CCBE1: variants seen among roughly 807,000 people sequenced by gnomAD.
The protein encoded by CCBE1 is collagen and calcium-binding EGF domain-containing protein 1.
A neutral mutation model predicts 50.0 loss-of-function variants in CCBE1; 37 were observed. The ratio of observed to expected loss-of-function variants is 0.74; its 90% CI spans 0.57 to 0.97. The LOEUF is 0.97. Ranked by LOEUF, CCBE1 falls within the 50% of genes least tolerant of loss-of-function variation. The pLI, the probability that CCBE1 is intolerant of heterozygous loss-of-function variation, is 0.00. For synonymous variants in CCBE1, 234 were observed against 203.7 expected, an observed-to-expected ratio of 1.15 and a Z score of -1.27; for missense variants, 538 against 523.8, an observed-to-expected ratio of 1.03 and a Z score of -0.26.
intron 2 of CCBE1, among the ~76,000 whole-genome samples, chr18:59,561,559 C>A (rs975717027): frequency 5.3e-5 from 8 of 152,198 alleles, no homozygotes; most frequent in African/African-American, 1.9e-4. Context: ...TAGCCCTATG[C>A]CACTATTGTC....
At chr18:59,533,520 T>A (rs1017029986) in intron 2 of CCBE1, among the ~76,000 whole-genome samples, 29 of 152,242 alleles carry the variant, frequency 1.9e-4, no homozygotes, top group African/African-American at 7.0e-4. Flanking sequence ...TATGTATAAC[T>A]CTTATGTTAG....
intron 10 of CCBE1, among the ~76,000 whole-genome samples, chr18:59,437,405 A>G (rs1334526259): frequency 6.6e-6 from 1 of 152,136 alleles, no homozygotes; most frequent in Non-Finnish European, 1.5e-5. Flanking sequence ...GTCAGATTCC[A>G]CTATCGCCAC....
chr18:59,535,401 G>A (rs1444011851), intron 2 of CCBE1, among the ~76,000 whole-genome samples: 2 of 152,182 alleles, frequency 1.3e-5, no homozygotes, highest in Non-Finnish European at 2.9e-5. Flanking sequence ...GCATTACCGG[G>A]TGTTAGTGAA....
At chr18:59,488,591 C>T (rs919131690) in intron 2 of CCBE1, among the ~76,000 whole-genome samples, 1 of 152,192 alleles carries the variant, frequency 6.6e-6, no homozygotes, top group African/African-American at 2.4e-5. Context: ...AATACCTCCT[C>T]AAAAACCAGA....
At chr18:59,661,164 G>A (rs72966926) in intron 2 of CCBE1, among the ~76,000 whole-genome samples, 13,742 of 152,190 alleles carry the variant, frequency 0.09, 839 homozygotes, top group Non-Finnish European at 0.13. Flanking sequence ...TCTGAGAGGC[G>A]TCTCTATGGA....
chr18:59,624,480 T>C (rs1446776977), intron 2 of CCBE1, among the ~76,000 whole-genome samples: 1 of 152,216 alleles, frequency 6.6e-6, no homozygotes, highest in African/African-American at 2.4e-5. Flanking sequence ...CAAGATCTGG[T>C]GAACATAACT....
intron 2 of CCBE1, among the ~76,000 whole-genome samples, chr18:59,491,402 C>CA (rs908250022): frequency 2.0e-5 from 3 of 152,164 alleles, no homozygotes; most frequent in Non-Finnish European, 4.4e-5. Context: ...TCCTAAGCTG[C>CA]AAATGTGGGC....
chr18:59,496,070 A>T (rs1404596776), intron 2 of CCBE1, among the ~76,000 whole-genome samples: 1 of 152,194 alleles, frequency 6.6e-6, no homozygotes, highest in South Asian at 2.1e-4. Context: ...TTTGTCACTT[A>T]TCATAATTTT....
At chr18:59,490,245 A>C (rs604118) in intron 2 of CCBE1, among the ~76,000 whole-genome samples, 2 of 152,112 alleles carry the variant, frequency 1.3e-5, no homozygotes, top group African/African-American at 4.8e-5. Flanking sequence ...TCGGCCTCCC[A>C]AAGTGCTGGG....
At chr18:59,459,349 A>G (rs150141729) in intron 5 of CCBE1, among the ~76,000 whole-genome samples, 4 of 152,350 alleles carry the variant, frequency 2.6e-5, no homozygotes, top group Non-Finnish European at 1.5e-5. Context: ...TTTGTCTACA[A>G]TAATGTCAAC....
chr18:59,436,270 T>C, intron 10 of CCBE1, 129 bp from the exon 11 acceptor site: 1 of 793,354 alleles, frequency 1.3e-6, no homozygotes, highest in Non-Finnish European at 2.2e-6. Context: ...GGAGCCAATG[T>C]GAGGACTGCT....
intron 4 of CCBE1, 48 bp downstream of exon 4, chr18:59,469,425 A>C: frequency 6.2e-7 from 1 of 1,613,672 alleles, no homozygotes; most frequent in Non-Finnish European, 8.5e-7. Flanking sequence ...GAACCATCTG[A>C]ACAAGGCACA....
At chr18:59,522,976 A>T in intron 2 of CCBE1, among the ~76,000 whole-genome samples, 1 of 101,904 alleles carries the variant, frequency 9.8e-6, no homozygotes. Flanking sequence ...TGGGCAACAG[A>T]GTGAGAGACT....
chr18:59,595,791 T>G (rs963914229), intron 2 of CCBE1, among the ~76,000 whole-genome samples: 1 of 152,224 alleles, frequency 6.6e-6, no homozygotes, highest in Admixed American at 6.5e-5. Flanking sequence ...TGTAAAGATT[T>G]TCAGGATGAT....
At chr18:59,599,203 A>C (rs2053396855) in intron 2 of CCBE1, among the ~76,000 whole-genome samples, 1 of 152,192 alleles carries the variant, frequency 6.6e-6, no homozygotes, top group Non-Finnish European at 1.5e-5. Context: ...GAAAAGAGGA[A>C]GAAAGGAGAG....
chr18:59,439,909 C>G, intron 7 of CCBE1, 93 bp from the exon 8 acceptor site: 1 of 1,361,078 alleles, frequency 7.3e-7, no homozygotes, highest in Admixed American at 2.1e-5. Context: ...AGCCATTTCT[C>G]TTTGTACTCT....
chr18:59,503,443 G>T (rs902687395), intron 2 of CCBE1, among the ~76,000 whole-genome samples: 3 of 152,162 alleles, frequency 2.0e-5, no homozygotes, highest in Non-Finnish European at 4.4e-5. Flanking sequence ...TAAGTGACAG[G>T]GTTGAAATTG....
At chr18:59,630,647 C>T (rs772202097) in intron 2 of CCBE1, among the ~76,000 whole-genome samples, 21 of 152,192 alleles carry the variant, frequency 1.4e-4, no homozygotes, top group Non-Finnish European at 2.6e-4. Context: ...CACCAGAACA[C>T]GTAAGTGTGA....
intron 2 of CCBE1, among the ~76,000 whole-genome samples, chr18:59,507,966 C>T (rs1298755736): frequency 1.3e-5 from 2 of 151,598 alleles, no homozygotes; most frequent in Non-Finnish European, 2.9e-5. Flanking sequence ...TCTCACCTCA[C>T]TGCAACCTTC....
Sources: gnomAD v4.1 joint callset for allele counts (sites outside exome capture counted in the v4.1 genomes callset) on GRCh38, gnomAD v4.1.1 for gene constraint, MANE v1.5 for transcripts, NCBI Gene and HGNC (gene_info 2026-07-23, HGNC 2026-07-21) for gene names.